RBFOX1: variants seen among roughly 807,000 people sequenced by gnomAD.
The protein encoded by RBFOX1 is RNA binding protein fox-1 homolog 1.
RBFOX1 carries 8 observed loss-of-function variants against 57.7 expected under a neutral mutation model. The ratio of observed to expected loss-of-function variants is 0.14; its 90% CI spans 0.08 to 0.25. RBFOX1 has a LOEUF of 0.25. RBFOX1 is among the 10% of genes least tolerant of loss of function. RBFOX1 has a pLI of 1.00. For synonymous variants in RBFOX1, 326 were observed against 222.4 expected (o/e 1.47, Z -4.15); for missense variants, 611 against 548.5 (o/e 1.11, Z -1.14).
At chr16:7,659,930 C>A (rs557071116) in intron 12 of RBFOX1, among the ~76,000 whole-genome samples, 1 of 152,120 alleles carries the variant, frequency 6.6e-6, no homozygotes, top group Non-Finnish European at 1.5e-5. Flanking sequence ...ACAGCACACA[C>A]ACACACCCAA....
At chr16:6,045,555 T>C (rs559024142) in intron 1 of RBFOX1, among the ~76,000 whole-genome samples, 1 of 152,230 alleles carries the variant, frequency 6.6e-6, no homozygotes, top group Admixed American at 6.5e-5. Context: ...TGAATATGTA[T>C]TGAATACCTG....
intron 3 of RBFOX1, among the ~76,000 whole-genome samples, chr16:5,818,438 G>C (rs971949424): frequency 5.9e-5 from 9 of 152,152 alleles, no homozygotes; most frequent in Admixed American, 1.3e-4. Flanking sequence ...AAGGAACAGA[G>C]AGCTCTGCCT....
intron 2 of RBFOX1, among the ~76,000 whole-genome samples, chr16:6,320,937 G>A (rs2152786039): frequency 6.6e-6 from 1 of 152,166 alleles, no homozygotes; most frequent in Admixed American, 6.5e-5. Flanking sequence ...GAGATTACAG[G>A]CACCCACCAC....
intron 2 of RBFOX1, among the ~76,000 whole-genome samples, chr16:6,636,662 C>G (rs2098436172): frequency 6.7e-6 from 1 of 149,914 alleles, no homozygotes; most frequent in Admixed American, 6.7e-5. Context: ...AATGCCTCAA[C>G]CGAGCTACAT....
intron 1 of RBFOX1, among the ~76,000 whole-genome samples, chr16:6,049,932 C>G (rs751650650): frequency 9.4e-5 from 14 of 149,190 alleles, no homozygotes; most frequent in Non-Finnish European, 1.8e-4. Flanking sequence ...GGCCATTTTA[C>G]TCTGTTAAAA....
chr16:6,007,884 C>T (rs954731497), intron 4 of RBFOX1, among the ~76,000 whole-genome samples: 5 of 151,976 alleles, frequency 3.3e-5, no homozygotes, highest in African/African-American at 4.8e-5. Flanking sequence ...TAGGGGAACT[C>T]GTGGAGAACG....
At chr16:7,294,240 G>A (rs1445459507) in intron 4 of RBFOX1, among the ~76,000 whole-genome samples, 1 of 151,926 alleles carries the variant, frequency 6.6e-6, no homozygotes, top group Non-Finnish European at 1.5e-5. Context: ...ACCCTTCCTT[G>A]TCCCACGCAC....
chr16:5,725,230 T>C (rs2052098496), intron 3 of RBFOX1, among the ~76,000 whole-genome samples: 1 of 152,042 alleles, frequency 6.6e-6, no homozygotes, highest in African/African-American at 2.4e-5. Flanking sequence ...TGCGGTATCT[T>C]TTTTAAAAAT....
intron 2 of RBFOX1, among the ~76,000 whole-genome samples, chr16:6,643,686 C>T (rs2098510357): frequency 6.6e-6 from 1 of 152,116 alleles, no homozygotes; most frequent in African/African-American, 2.4e-5. Context: ...TTCAATCTCC[C>T]TTATGCTTTT....
chr16:5,596,570 C>G (rs532430917), intron 2 of RBFOX1, among the ~76,000 whole-genome samples: 1 of 152,080 alleles, frequency 6.6e-6, no homozygotes, highest in Non-Finnish European at 1.5e-5. Flanking sequence ...GAGGGAGGCC[C>G]GTCTCAAAGA....
intron 5 of RBFOX1, among the ~76,000 whole-genome samples, chr16:7,529,473 G>T (rs1003734028): frequency 6.6e-6 from 1 of 152,282 alleles, no homozygotes; most frequent in East Asian, 1.9e-4. Flanking sequence ...CAAATTTCCT[G>T]TCCACAGGAT....
intron 3 of RBFOX1, among the ~76,000 whole-genome samples, chr16:6,792,768 C>A (rs911223428): frequency 6.6e-6 from 1 of 152,140 alleles, no homozygotes; most frequent in Non-Finnish European, 1.5e-5. Flanking sequence ...TGGTGGCTCA[C>A]GCCTGTAATC....
intron 2 of RBFOX1, among the ~76,000 whole-genome samples, chr16:6,538,128 C>T (rs2096760715): frequency 6.6e-6 from 1 of 151,936 alleles, no homozygotes; most frequent in South Asian, 2.1e-4. Flanking sequence ...ACATTAGATT[C>T]ACAATGCTGT....
intron 2 of RBFOX1, among the ~76,000 whole-genome samples, chr16:5,579,916 C>T (rs1051688788): frequency 3.3e-5 from 5 of 152,048 alleles, no homozygotes; most frequent in Admixed American, 6.5e-5. Flanking sequence ...CCTGCCACCA[C>T]GCCCGGCTAA....
intron 3 of RBFOX1, among the ~76,000 whole-genome samples, chr16:6,689,536 T>A (rs1466577220): frequency 6.6e-6 from 1 of 152,202 alleles, no homozygotes; most frequent in African/African-American, 2.4e-5. Flanking sequence ...AAGAGATGTT[T>A]ACACAGGACT....
chr16:6,599,213 CATT>C (rs147091186), intron 2 of RBFOX1, among the ~76,000 whole-genome samples: 2,665 of 152,282 alleles, frequency 0.018, 75 homozygotes, highest in African/African-American at 0.058. Flanking sequence ...TGTTGCAAAT[CATT>C]ATCCAGAACA....
chr16:6,381,047 G>C (rs191257657), intron 2 of RBFOX1, among the ~76,000 whole-genome samples: 36 of 152,316 alleles, frequency 2.4e-4, no homozygotes, highest in Admixed American at 1.8e-3. Context: ...GGGCAGGTCA[G>C]AGAGGAGATG....
chr16:7,243,093 A>G (rs1037703980), intron 4 of RBFOX1, among the ~76,000 whole-genome samples: 17 of 152,136 alleles, frequency 1.1e-4, no homozygotes, highest in Non-Finnish European at 2.2e-4. Flanking sequence ...CATTAGCTGA[A>G]CGTTTTAGGA....
At chr16:5,911,687 T>C (rs1178226078) in intron 4 of RBFOX1, among the ~76,000 whole-genome samples, 1 of 152,202 alleles carries the variant, frequency 6.6e-6, no homozygotes, top group Non-Finnish European at 1.5e-5. Flanking sequence ...TTCACAGCTC[T>C]GGAGTCTGGG....
Sources: allele counts gnomAD v4.1 joint callset (sites outside exome capture counted in the v4.1 genomes callset), GRCh38; gene constraint gnomAD v4.1.1; transcripts MANE v1.5; gene names NCBI Gene and HGNC (gene_info 2026-07-23, HGNC 2026-07-21).